The following RTF2 variants were observed in gnomAD, a reference collection of about 807,000 sequenced individuals.
RTF2 encodes replication termination factor 2, also known as UPF0549 protein C20orf43.
A neutral mutation model predicts 38.0 loss-of-function variants in RTF2; 18 were observed. The observed-to-expected ratio is 0.47, with a 90% CI of 0.33 to 0.70. The LOEUF (loss-of-function observed/expected upper bound fraction) is 0.70, where lower values mean the gene tolerates loss of function less well. Among genes scored for constraint, RTF2 ranks in the 30% least tolerant of loss-of-function variants. The pLI is 0.02. For synonymous variants in RTF2, 126 were observed against 137.1 expected, an observed-to-expected ratio of 0.92 and a Z score of 0.57; for missense variants, 311 against 379.6, an observed-to-expected ratio of 0.82 and a Z score of 1.50.
intron 5 of RTF2, among the ~76,000 whole-genome samples, chr20:56,499,961 C>G (rs1361621316): frequency 6.6e-6 from 1 of 151,958 alleles, no homozygotes; most frequent in Non-Finnish European, 1.5e-5. Context: ...GTCTTGAACT[C>G]CTGACCTCAT....
chr20:56,487,210 G>A (rs891622419), intron 5 of RTF2, among the ~76,000 whole-genome samples: 2 of 152,158 alleles, frequency 1.3e-5, no homozygotes, highest in Non-Finnish European at 2.9e-5. Flanking sequence ...AAACCTCACT[G>A]TCTGCCGAGC....
chr20:56,477,653 G>C lies in RTF2; in HGVS notation c.398+529G>C, dbSNP rs180742734. ...CTGCCTCAGCATCCCAAAGTGCTGG[G>C]ATTGTAGGCGTAAGCCACCACGCCC... On this transcript the variant is annotated intron_variant, in intron 4 of 8. Coordinates refer to ENST00000357348, the MANE Select transcript of RTF2 (RefSeq NM_016407.5). Among the ~76,000 whole-genome samples, 381 of 152,044 alleles carry C rather than the reference G, an allele frequency of 2.5e-3. 2 individuals are homozygous for C. The highest frequency in any genetic ancestry group is 8.6e-3 in the African/African-American group (357 of 41,454).
chr20:56,471,000 G>T, intron 1 of RTF2: 1 of 221,676 alleles, frequency 4.5e-6, no homozygotes, highest in South Asian at 6.4e-5. Flanking sequence ...ACTGGGCGGG[G>T]GGATCGTGGT....
intron 5 of RTF2, among the ~76,000 whole-genome samples, chr20:56,508,635 A>G (rs1279191498): frequency 3.3e-5 from 5 of 152,326 alleles, no homozygotes; most frequent in Admixed American, 1.3e-4. Context: ...CATGTTACCT[A>G]CACTAATCAA....
intron 5 of RTF2, among the ~76,000 whole-genome samples, chr20:56,508,752 C>T (rs1984442675): frequency 6.6e-6 from 1 of 152,038 alleles, no homozygotes; most frequent in Non-Finnish European, 1.5e-5. Flanking sequence ...GACAAAAGGG[C>T]CAAGTCAATT....
chr20:56,502,655 C>T lies in RTF2; in HGVS notation c.478-10660C>T, dbSNP rs187868514. On this transcript the variant is annotated intron_variant, in intron 5 of 8. Transcript: ENST00000357348. ...GGATGGGAACCTTTAAAGGTGAACC[C>T]GAAGTATTTTGCCATATATTCTAGC... Among the ~76,000 whole-genome samples, 54 of 152,076 alleles carry T rather than the reference C, an allele frequency of 3.6e-4. No homozygotes were observed. The East Asian group carries it at 8.5e-3, about 24-fold the overall frequency.
chr20:56,497,306 G>A, intron 5 of RTF2: 1 of 1,550,698 alleles, frequency 6.4e-7, no homozygotes, highest in Admixed American at 2.0e-5. Context: ...CTGCAGACAG[G>A]GGTCTGGTTA....
intron 5 of RTF2, chr20:56,497,800 T>G: frequency 6.0e-6 from 2 of 331,564 alleles, no homozygotes; most frequent in South Asian, 5.4e-5. Flanking sequence ...CCCTCACTCT[T>G]CAAAGTGTTC....
rs186089037 is a variant in RTF2, at chr20:56,514,626, C to T, written c.591+1198C>T. Among the ~76,000 whole-genome samples the T allele has an allele frequency of 5.5e-4, 84 of 152,132 alleles. 1 individual carries two copies. Among genetic ancestry groups the T allele is most frequent in the African/African-American group, 2.0e-3 (82 of 41,476 alleles). On this transcript the variant is annotated intron_variant, in intron 6 of 8. Coordinates refer to ENST00000357348, the MANE Select transcript of RTF2 (RefSeq NM_016407.5). Reference sequence around the variant, plus strand: ...TATCACCCTGGAATAATGTGTAATTCGTGGTTGTGAGGCTTTAAAAAGCCG... The same window carrying T: ...TATCACCCTGGAATAATGTGTAATTTGTGGTTGTGAGGCTTTAAAAAGCCG...
chr20:56,489,965 T>G (rs1432644778), intron 5 of RTF2, among the ~76,000 whole-genome samples: 1 of 152,234 alleles, frequency 6.6e-6, no homozygotes, highest in African/African-American at 2.4e-5. Flanking sequence ...TGGGCTGTCA[T>G]GGGGCTCTTG....
chr20:56,514,037 A>G (rs1299453023), intron 6 of RTF2: 2 of 152,500 alleles, frequency 1.3e-5, no homozygotes, highest in Non-Finnish European at 2.9e-5. Context: ...TTTGAATAAC[A>G]AGGAGCTAAT....
rs976580600 is a variant in RTF2 at position 56,496,683 on chromosome 20, C to A, written c.477+12494C>A. 3.2e-6 allele frequency: 5 copies of A among 1,546,696 alleles called. No individual in the cohort carries two copies. In the Admixed American group the frequency reaches 9.9e-5, roughly 31 times the overall value. ...CACCCAGTAGTGTTGCTCTGGGCTG[C>A]GGATGTCTTTGGACCACTGAAGCAT... On this transcript the variant is annotated intron_variant, in intron 5 of 8. Coordinates refer to ENST00000357348, the MANE Select transcript of RTF2 (RefSeq NM_016407.5).
chr20:56,497,260 T>C, intron 5 of RTF2: 2 of 1,551,720 alleles, frequency 1.3e-6, no homozygotes, highest in Non-Finnish European at 8.7e-7. Context: ...TCCTTATGAA[T>C]AGTTATAATA....
chr20:56,497,790 C>T (rs1221895228), intron 5 of RTF2: 1 of 342,016 alleles, frequency 2.9e-6, no homozygotes, highest in Non-Finnish European at 5.4e-6. Context: ...ACAAGCATTT[C>T]CCTCACTCTT....
intron 5 of RTF2, chr20:56,497,307 G>A (rs1389212975): frequency 3.7e-5 from 58 of 1,550,712 alleles, no homozygotes; most frequent in Non-Finnish European, 5.0e-5. Flanking sequence ...TGCAGACAGG[G>A]GTCTGGTTAT....
chr20:56,497,465 G>C (rs931109556), intron 5 of RTF2: 1 of 1,519,040 alleles, frequency 6.6e-7, no homozygotes, highest in African/African-American at 1.4e-5. Context: ...GTTCATCTGG[G>C]TAAAAGCCAC....
At chr20:56,469,129 A>G (rs1171550860) in intron 1 of RTF2, among the ~76,000 whole-genome samples, 2 of 152,230 alleles carry the variant, frequency 1.3e-5, no homozygotes, top group Non-Finnish European at 2.9e-5. Flanking sequence ...ACTAGTAGCA[A>G]TAATACAAAT....
intron 5 of RTF2, chr20:56,495,164 T>C (rs1311987917): frequency 7.0e-7 from 1 of 1,421,180 alleles, no homozygotes; most frequent in African/African-American, 1.4e-5. Flanking sequence ...GTTGTAAAAT[T>C]TGAAGCCTTT....
At chr20:56,471,214 C>A (rs532850412) in intron 1 of RTF2, among the ~76,000 whole-genome samples, 1 of 152,126 alleles carries the variant, frequency 6.6e-6, no homozygotes, top group Admixed American at 6.6e-5. Flanking sequence ...TGGGGAAAAT[C>A]CCATACATTT....
Sources: gnomAD v4.1 joint callset for allele counts (sites outside exome capture counted in the v4.1 genomes callset) on GRCh38, gnomAD v4.1.1 for gene constraint, MANE v1.5 for transcripts, NCBI Gene and HGNC (gene_info 2026-07-23, HGNC 2026-07-21) for gene names.